KCTD1: variants seen among roughly 807,000 people sequenced by gnomAD.
KCTD1 encodes the protein BTB/POZ domain-containing protein KCTD1.
A neutral mutation model predicts 66.0 loss-of-function variants in KCTD1; 24 were observed. That is an observed-to-expected ratio of 0.36 (90% confidence interval 0.26 to 0.51). The LOEUF (loss-of-function observed/expected upper bound fraction) is 0.51, where lower values mean the gene tolerates loss of function less well. Among genes scored for constraint, KCTD1 ranks in the 20% least tolerant of loss-of-function variants. The pLI is 0.95. For synonymous variants in KCTD1, 511 were observed against 517.2 expected (o/e 0.99, Z 0.16); for missense variants, 943 against 1,205.2 (o/e 0.78, Z 3.22).
At position 26,475,148 on chromosome 18, in the gene KCTD1, C is replaced by T. The variant is rs550036948; in HGVS notation, c.2133+1367G>A. 2.6e-5 allele frequency among the ~76,000 whole-genome samples: 4 copies of T among 152,218 alleles called. No homozygotes were observed. In the South Asian group the frequency reaches 6.2e-4, roughly 24 times the overall value. ...ATGACACCTTTAAATTAATATAGCT[C>T]GAAAGTCTGTTTTGACGTTGATAGG... is the stretch of plus-strand genomic sequence containing the variant. On this transcript the variant is annotated intron_variant, in intron 3 of 4. Coordinates refer to ENST00000580059, the MANE Select transcript of KCTD1 (RefSeq NM_001142730.3).
At chr18:26,500,126 A>T (rs1039943074) in intron 2 of KCTD1, among the ~76,000 whole-genome samples, 29 of 151,872 alleles carry the variant, frequency 1.9e-4, no homozygotes, top group Admixed American at 1.2e-3. Context: ...TACAAAAAAT[A>T]AAAAAATTAG....
intron 1 of KCTD1, among the ~76,000 whole-genome samples, chr18:26,533,757 C>A (rs1287051822): frequency 6.6e-6 from 1 of 151,482 alleles, no homozygotes; most frequent in Non-Finnish European, 1.5e-5. Flanking sequence ...GCCTCAGCCT[C>A]CCAAAGTGCT....
At chr18:26,501,331 C>T (rs1033649888) in intron 1 of KCTD1, 81 bp from the exon 2 acceptor site, 47 of 1,223,710 alleles carry the variant, frequency 3.8e-5, no homozygotes, top group African/African-American at 6.0e-5. Flanking sequence ...AAAGAATAAA[C>T]GAGTGATTAA....
At chr18:26,578,449 T>C (rs1468985395) in intron 1 of KCTD1, among the ~76,000 whole-genome samples, 1 of 152,226 alleles carries the variant, frequency 6.6e-6, no homozygotes, top group Non-Finnish European at 1.5e-5. Context: ...TATTCCCAAG[T>C]GGAGAGTAAG....
intron 1 of KCTD1, among the ~76,000 whole-genome samples, chr18:26,557,016 G>A (rs989923598): frequency 6.6e-6 from 1 of 152,194 alleles, no homozygotes; most frequent in African/African-American, 2.4e-5. Flanking sequence ...CTAAGAGACA[G>A]GAAGGAAAGA....
chr18:26,481,980 C>T (rs1221245016), intron 2 of KCTD1, among the ~76,000 whole-genome samples: 1 of 152,184 alleles, frequency 6.6e-6, no homozygotes, highest in Admixed American at 6.5e-5. Flanking sequence ...TCTGAAGTGT[C>T]AGAGCATACT....
chr18:26,483,363 G>A (rs529274446), intron 2 of KCTD1, among the ~76,000 whole-genome samples: 21 of 152,204 alleles, frequency 1.4e-4, no homozygotes, highest in African/African-American at 5.1e-4. Context: ...CTGCCTCCTG[G>A]GTCAAAGTGA....
intron 1 of KCTD1, among the ~76,000 whole-genome samples, chr18:26,523,888 T>C (rs1984033798): frequency 6.6e-6 from 1 of 152,196 alleles, no homozygotes; most frequent in Admixed American, 6.5e-5. Context: ...GGTGCCGGAA[T>C]GATGACCTGG....
At chr18:26,549,369 C>T (rs576434837), upstream of KCTD1, 7 of 985,552 alleles carry the variant, frequency 7.1e-6, no homozygotes, top group Admixed American at 1.2e-4. Flanking sequence ...CCAACAGCCA[C>T]ATTTAAGCTG....
At chr18:26,640,664 A>G (rs1387709667), upstream of KCTD1, among the ~76,000 whole-genome samples, 1 of 152,160 alleles carries the variant, frequency 6.6e-6, no homozygotes, top group African/African-American at 2.4e-5. Flanking sequence ...GAGCACTTAT[A>G]GGAGGGAGAA....
intron 1 of KCTD1, among the ~76,000 whole-genome samples, chr18:26,561,387 C>G (rs1288051737): frequency 6.6e-6 from 1 of 152,150 alleles, no homozygotes; most frequent in East Asian, 1.9e-4. Flanking sequence ...GGAATTGGGT[C>G]CGTCCATGTG....
At chr18:26,564,675 A>G (rs936826342) in intron 1 of KCTD1, among the ~76,000 whole-genome samples, 4 of 152,096 alleles carry the variant, frequency 2.6e-5, no homozygotes, top group Non-Finnish European at 5.9e-5. Context: ...GGATCACCTG[A>G]GGTCAGGAGT....
Position 26,548,089 on chromosome 18 carries a change from C to T in KCTD1, c.448G>A (p.Gly150Arg). The T allele has an allele frequency of 6.7e-6, 9 of 1,344,672 alleles. No homozygotes were observed. Among genetic ancestry groups the T allele is most frequent in the African/African-American group, 1.5e-5 (1 of 65,274 alleles). 83.3% of individuals were successfully genotyped at this position (1,344,672 alleles called of 1,614,324 possible). Residue 150 changes from glycine to arginine, a missense_variant, in exon 1 of 5, where the codon GGG (glycine) becomes AGG (arginine). By Grantham distance (125) the Gly-to-Arg change is moderately radical. Transcript: ENST00000580059. ...TCGGGGTCCAGCTCGGAGCCGTCCCCGGGCGGCCCACCGCGGGCCCGGGGC... is the reference window on the plus strand; with the variant it reads ...TCGGGGTCCAGCTCGGAGCCGTCCCTGGGCGGCCCACCGCGGGCCCGGGGC... ...LAPRARGGPP[G>R]DGSELDPDVL...
intron 1 of KCTD1, among the ~76,000 whole-genome samples, chr18:26,559,526 C>G (rs942303560): frequency 2.6e-5 from 4 of 152,148 alleles, no homozygotes; most frequent in African/African-American, 9.7e-5. Context: ...TTCCTGGACC[C>G]CATTGTGAGA....
At chr18:26,490,676 C>G (rs961852437) in intron 2 of KCTD1, among the ~76,000 whole-genome samples, 1 of 152,106 alleles carries the variant, frequency 6.6e-6, no homozygotes, top group South Asian at 2.1e-4. Context: ...AAATATTTAT[C>G]AAGTGTTTGC....
intron 2 of KCTD1, among the ~76,000 whole-genome samples, chr18:26,479,661 T>C (rs1214888318): frequency 6.6e-6 from 1 of 152,112 alleles, no homozygotes; most frequent in African/African-American, 2.4e-5. Flanking sequence ...CAACAAACGC[T>C]GGGAGTAATA....
chr18:26,549,046 C>G, upstream of KCTD1: 2 of 985,304 alleles, frequency 2.0e-6, no homozygotes, highest in Non-Finnish European at 2.4e-6. Flanking sequence ...GCGGCGGCTG[C>G]GCCGGGCGGG....
intron 1 of KCTD1, chr18:26,575,547 A>G (rs1986206571): frequency 6.6e-6 from 1 of 152,206 alleles, no homozygotes; most frequent in South Asian, 2.1e-4. Context: ...CAGGTCAGAA[A>G]TGGTGTGGTC....
At chr18:26,642,067 T>G (rs991379077), upstream of KCTD1, among the ~76,000 whole-genome samples, 1 of 152,208 alleles carries the variant, frequency 6.6e-6, no homozygotes, top group African/African-American at 2.4e-5. Context: ...CTTCCCTGCC[T>G]GACACTTTTC....
Sources: gnomAD v4.1 joint callset for allele counts (sites outside exome capture counted in the v4.1 genomes callset) on GRCh38, gnomAD v4.1.1 for gene constraint, MANE v1.5 for transcripts, NCBI Gene and HGNC (gene_info 2026-07-23, HGNC 2026-07-21) for gene names.